Variants in CYP2J2 observed in about 807,000 individuals in gnomAD.
CYP2J2 encodes the protein cytochrome P450 family 2 subfamily J member 2, also known as cytochrome P450 2J2.
CYP2J2 carries 41 observed loss-of-function variants against 48.8 expected under a neutral mutation model. The observed-to-expected ratio is 0.84, with a 90% CI of 0.66 to 1.09. The LOEUF is 1.09. CYP2J2 is among the 50% of genes least tolerant of loss of function. The probability of loss-of-function intolerance (pLI) is 0.00; values close to 1 mark genes in which losing one functional copy is unlikely to be tolerated. For synonymous variants in CYP2J2, 221 were observed against 227.1 expected (o/e 0.97, Z 0.24); for missense variants, 644 against 617.3 (o/e 1.04, Z -0.46).
intron 1 of CYP2J2, among the ~76,000 whole-genome samples, chr1:59,926,172 T>C (rs954995970): frequency 6.6e-6 from 1 of 152,190 alleles, no homozygotes; most frequent in Non-Finnish European, 1.5e-5. Context: ...ATTGAGGTAG[T>C]ATTATCACCA....
At chr1:59,896,372 T>C (rs975222597) in intron 8 of CYP2J2, among the ~76,000 whole-genome samples, 3 of 151,870 alleles carry the variant, frequency 2.0e-5, no homozygotes, top group Non-Finnish European at 2.9e-5. Context: ...CATATTTACA[T>C]CTACATTTCT....
the CYP2J2 span, among the ~76,000 whole-genome samples, chr1:59,935,810 G>T: frequency 6.6e-6 from 1 of 152,148 alleles, no homozygotes; most frequent in Admixed American, 6.5e-5. Context: ...TTTTGCTCTT[G>T]TCACCCAGGC....
At position 59,911,626 on chromosome 1, in the gene CYP2J2, C is replaced by T. The variant is rs1378112787; in HGVS notation, c.666G>A (p.Glu222=). The T allele has an allele frequency of 2.5e-6, 4 of 1,611,406 alleles. No homozygotes were observed. In the African/African-American group the frequency reaches 5.3e-5, roughly 22 times the overall value. Residue 222 remains glutamate, a synonymous_variant, in exon 4 of 9, where the codon GAG becomes GAA. Coordinates refer to ENST00000371204, the MANE Select transcript of CYP2J2 (RefSeq NM_000775.4). ...LKLLDEVTYL[E]ASKTCQLYNV... ...GCCTTACCTGGCATGTCTTTGAAGC[C>T]TCCAAGTATGTGACTTCATCTAGTA...
the CYP2J2 span, among the ~76,000 whole-genome samples, chr1:59,955,735 T>G: frequency 1.3e-5 from 2 of 152,002 alleles, no homozygotes; most frequent in Non-Finnish European, 2.9e-5. Context: ...GAGGAAACAT[T>G]AGATAAAATG....
chr1:59,933,350 A>C, the CYP2J2 span, among the ~76,000 whole-genome samples: 5 of 152,222 alleles, frequency 3.3e-5, no homozygotes, highest in African/African-American at 1.2e-4. Context: ...AATGAGTAGA[A>C]AACAGATAAG....
At chr1:59,959,405 C>T in the CYP2J2 span, among the ~76,000 whole-genome samples, 1 of 152,180 alleles carries the variant, frequency 6.6e-6, no homozygotes, top group East Asian at 1.9e-4. Context: ...AATCCCAATA[C>T]TGGGTAACCA....
intron 1 of CYP2J2, among the ~76,000 whole-genome samples, chr1:59,920,318 T>C (rs2102136216): frequency 6.6e-6 from 1 of 151,492 alleles, no homozygotes; most frequent in South Asian, 2.1e-4. Flanking sequence ...GCAAGAGAGC[T>C]ACCTTGTCTG....
At chr1:59,950,746 T>A in the CYP2J2 span, among the ~76,000 whole-genome samples, 1 of 152,208 alleles carries the variant, frequency 6.6e-6, no homozygotes, top group African/African-American at 2.4e-5. Context: ...GTGGCTCAAC[T>A]AAGATGGGGA....
chr1:59,956,365 A>T, the CYP2J2 span, among the ~76,000 whole-genome samples: 1 of 152,156 alleles, frequency 6.6e-6, no homozygotes, highest in Non-Finnish European at 1.5e-5. Flanking sequence ...ATGTGAAATT[A>T]TAGTGTGCTC....
At chr1:59,957,814 T>A in the CYP2J2 span, among the ~76,000 whole-genome samples, 42 of 151,976 alleles carry the variant, frequency 2.8e-4, no homozygotes, top group East Asian at 7.6e-3. Flanking sequence ...TGACACACGG[T>A]CTTAAAATTT....
At chr1:59,906,541 A>G (rs1358009758) in intron 6 of CYP2J2, among the ~76,000 whole-genome samples, 1 of 152,104 alleles carries the variant, frequency 6.6e-6, no homozygotes, top group African/African-American at 2.4e-5. Flanking sequence ...AAAATTTACT[A>G]TGTTAGCATT....
chr1:59,896,708 G>T (rs1376722712), intron 8 of CYP2J2, among the ~76,000 whole-genome samples: 1 of 151,836 alleles, frequency 6.6e-6, no homozygotes, highest in East Asian at 1.9e-4. Context: ...CATCTCTATT[G>T]TGTGTATTTT....
chr1:59,954,184 C>T, the CYP2J2 span, among the ~76,000 whole-genome samples: 1 of 152,182 alleles, frequency 6.6e-6, no homozygotes, highest in Admixed American at 6.5e-5. Context: ...TGCAATTACG[C>T]AGCTCATCTA....
intron 8 of CYP2J2, among the ~76,000 whole-genome samples, chr1:59,898,001 A>G (rs1407617060): frequency 6.6e-6 from 1 of 152,202 alleles, no homozygotes; most frequent in Non-Finnish European, 1.5e-5. Context: ...ATCCATTTAA[A>G]TGGTCCTCAT....
chr1:59,907,781 CT>C lies in CYP2J2; in HGVS notation c.1003+4del. 6.2e-7 allele frequency: 1 copy of C among 1,613,880 alleles called. No homozygotes were observed. Among genetic ancestry groups the C allele is most frequent in the Non-Finnish European group, 8.5e-7 (1 of 1,179,848 alleles). ...TGGTTCAGGCTTACTCACTGACATG[CT>C]CACCTTGGATTTCTGGGTAGAGGGC... On this transcript the variant is annotated splice_donor_region_variant and intron_variant, in intron 6 of 8. Transcript: ENST00000371204.
At chr1:59,911,043 G>A (rs1288448555) in intron 4 of CYP2J2, among the ~76,000 whole-genome samples, 1 of 152,166 alleles carries the variant, frequency 6.6e-6, no homozygotes, top group Admixed American at 6.5e-5. Context: ...ATGAGTGGAT[G>A]TAACCACAAG....
the CYP2J2 span, among the ~76,000 whole-genome samples, chr1:59,944,443 G>C: frequency 6.6e-6 from 1 of 152,158 alleles, no homozygotes; most frequent in Non-Finnish European, 1.5e-5. Context: ...GGCTGGTCTT[G>C]AACTGCTGGA....
chr1:59,934,930 A>G, the CYP2J2 span, among the ~76,000 whole-genome samples: 3 of 145,588 alleles, frequency 2.1e-5, no homozygotes, highest in East Asian at 6.0e-4. Context: ...TATTTATAAC[A>G]GCCAAGATAT....
the CYP2J2 span, among the ~76,000 whole-genome samples, chr1:59,939,114 C>T: frequency 1.3e-5 from 2 of 152,168 alleles, no homozygotes; most frequent in Non-Finnish European, 2.9e-5. Flanking sequence ...CTTATGTCTT[C>T]CCTTTTTACA....
Sources: gnomAD v4.1 joint callset for allele counts (sites outside exome capture counted in the v4.1 genomes callset) on GRCh38, gnomAD v4.1.1 for gene constraint, MANE v1.5 for transcripts, NCBI Gene and HGNC (gene_info 2026-07-23, HGNC 2026-07-21) for gene names.